Variants in OR3A2 observed in about 807,000 individuals in gnomAD.
The protein encoded by OR3A2 is olfactory receptor 3A2.
For synonymous variants in OR3A2, 126 were observed against 159.3 expected (o/e 0.79, Z 1.57); for missense variants, 318 against 392.8 (o/e 0.81, Z 1.61).
chr17:3,345,595 G>GT (rs2049357595), intron 2 of OR3A2, among the ~76,000 whole-genome samples: 1 of 152,000 alleles, frequency 6.6e-6, no homozygotes, highest in Admixed American at 6.6e-5. Flanking sequence ...AATGAAAAAC[G>GT]TGATCACAGA....
At chr17:3,333,390 GCCTTTGCCTTGTGATCTTTGCTTTGC>G (rs1442433092) in intron 3 of OR3A2, among the ~76,000 whole-genome samples, 2 of 152,076 alleles carry the variant, frequency 1.3e-5, no homozygotes, top group African/African-American at 2.4e-5. Flanking sequence ...TTCTAATTTT[GCCTTTGCCTTGTGATCTTTGCTTTGC>G]CCTTTGCCTT....
intron 2 of OR3A2, among the ~76,000 whole-genome samples, chr17:3,372,378 G>A (rs969075752): frequency 5.4e-5 from 8 of 148,676 alleles, no homozygotes; most frequent in Non-Finnish European, 7.4e-5. Flanking sequence ...CGTCCCAGAC[G>A]ATGGGCGGCC....
At position 3,348,208 on chromosome 17, in the gene OR3A2, T is replaced by G. The variant is rs928422745; in HGVS notation, c.-178-12082A>C. ...CATTTTGTAGGTTGCCTGTTCACTC[T>G]GATGGTAGTTTCTTTTGCTGTGCAG... On this transcript the variant is annotated intron_variant, in intron 2 of 4. Transcript: ENST00000573491. 2.0e-5 allele frequency among the ~76,000 whole-genome samples: 3 copies of G among 152,282 alleles called. No individual in the cohort carries two copies. The East Asian group carries it at 5.8e-4, about 29-fold the overall frequency.
intron 3 of OR3A2, chr17:3,291,481 G>T: frequency 1.7e-6 from 1 of 605,116 alleles, no homozygotes; most frequent in Non-Finnish European, 2.8e-6. Context: ...GGACAGGGCT[G>T]CTTTCAGAAA....
intron 3 of OR3A2, among the ~76,000 whole-genome samples, chr17:3,304,513 C>T (rs2048987322): frequency 6.6e-6 from 1 of 152,198 alleles, no homozygotes; most frequent in South Asian, 2.1e-4. Context: ...AAGGATTCAC[C>T]GTCCTGCCCT....
chr17:3,380,955 TC>T (rs2049730637), intron 2 of OR3A2, among the ~76,000 whole-genome samples: 1 of 152,168 alleles, frequency 6.6e-6, no homozygotes, highest in Admixed American at 6.5e-5. Flanking sequence ...TCTGGGAGCA[TC>T]TATTGAGGTT....
intron 2 of OR3A2, among the ~76,000 whole-genome samples, chr17:3,374,560 C>G (rs2049662865): frequency 6.6e-6 from 1 of 152,146 alleles, no homozygotes; most frequent in African/African-American, 2.4e-5. Context: ...CTTTCTTCCA[C>G]CTGTTTGATT....
chr17:3,290,584 G>T (rs2048856490), intron 3 of OR3A2, among the ~76,000 whole-genome samples: 1 of 152,208 alleles, frequency 6.6e-6, no homozygotes, highest in Non-Finnish European at 1.5e-5. Context: ...TTAGGAAAAT[G>T]CATTTGGAAA....
intron 3 of OR3A2, among the ~76,000 whole-genome samples, chr17:3,321,540 T>C (rs1209565421): frequency 6.6e-6 from 1 of 152,122 alleles, no homozygotes; most frequent in Non-Finnish European, 1.5e-5. Flanking sequence ...TCTTATTATT[T>C]TGAGATACAT....
rs755295904 is a variant in OR3A2, at chr17:3,311,004, C to T, written c.-85+25029G>A. ...TGTGGCAGCTGCAGTCCTGCGAATC[C>T]GCTCTGCAGAGGGCAGAAAGAAAGC... is the stretch of plus-strand genomic sequence containing the variant. On this transcript the variant is annotated intron_variant, in intron 3 of 4. Transcript: ENST00000573491. The surrounding 1 kb of genome is among the most constrained non-coding windows in gnomAD (Gnocchi z 4.6). 1 of 550,346 alleles carries T rather than the reference C, an allele frequency of 1.8e-6. No individual in the cohort carries two copies. Among genetic ancestry groups the T allele is most frequent in the Non-Finnish European group, 3.7e-6 (1 of 271,368 alleles). The allele number at this position is 550,346 out of a possible 1,614,324, so 34.1% of individuals were successfully genotyped here. A position where few individuals can be genotyped will look rare whatever the true frequency, so the allele number is the denominator to read the frequency against.
Position 3,309,709 on chromosome 17 carries a change from G to A in OR3A2, c.-85+26324C>T, listed in dbSNP as rs186069717. On this transcript the variant is annotated intron_variant, in intron 3 of 4. Transcript: ENST00000573491. ...GAAATGTCCTCGGTGATGTTTCCTC[G>A]TTTAGTTTCACTGTTTTTCATCTCA... 5.9e-5 allele frequency among the ~76,000 whole-genome samples: 9 copies of A among 152,254 alleles called. No homozygotes were observed. In the East Asian group the frequency reaches 9.7e-4, roughly 16 times the overall value.
intron 2 of OR3A2, among the ~76,000 whole-genome samples, chr17:3,348,718 T>C (rs230450): frequency 0.59 from 88,662 of 151,466 alleles, 26,889 homozygotes; most frequent in African/African-American, 0.72. Context: ...AACTCCAAAA[T>C]ACATAATTGT....
intron 2 of OR3A2, among the ~76,000 whole-genome samples, chr17:3,342,010 A>C (rs1213775015): frequency 1.3e-5 from 2 of 152,192 alleles, no homozygotes; most frequent in South Asian, 4.2e-4. Flanking sequence ...TTATTTCATT[A>C]ATTTGATCTT....
intron 3 of OR3A2, chr17:3,310,083 T>A (rs2049028777): frequency 3.2e-6 from 1 of 316,066 alleles, no homozygotes; most frequent in African/African-American, 2.2e-5. Flanking sequence ...TTTGAGTCTG[T>A]CCAATGCCAC....
At chr17:3,332,706 C>T (rs1202014392) in intron 3 of OR3A2, among the ~76,000 whole-genome samples, 3 of 152,206 alleles carry the variant, frequency 2.0e-5, no homozygotes, top group African/African-American at 7.2e-5. Context: ...TGTTCCTATT[C>T]GGCCATCTTG....
At chr17:3,282,079 T>C (rs973903745) in intron 1 of OR3A2, among the ~76,000 whole-genome samples, 20 of 152,144 alleles carry the variant, frequency 1.3e-4, no homozygotes, top group African/African-American at 4.8e-4. Flanking sequence ...TTTTAGGTGA[T>C]CCAGCCACTT....
chr17:3,295,317 C>T (rs929656275), intron 3 of OR3A2, among the ~76,000 whole-genome samples: 4 of 151,836 alleles, frequency 2.6e-5, no homozygotes, highest in Non-Finnish European at 4.4e-5. Flanking sequence ...AAATAAATTA[C>T]ATGGTATAGG....
chr17:3,320,505 G>C (rs959828971), intron 3 of OR3A2, among the ~76,000 whole-genome samples: 2 of 122,286 alleles, frequency 1.6e-5, no homozygotes, highest in African/African-American at 5.8e-5. Flanking sequence ...GGTTTTTATG[G>C]TTTTAGGTCT....
intron 2 of OR3A2, among the ~76,000 whole-genome samples, chr17:3,359,328 G>A (rs778582114): frequency 1.1e-4 from 16 of 151,636 alleles, no homozygotes; most frequent in Non-Finnish European, 1.8e-4. Flanking sequence ...CTGTTAGCTG[G>A]TTATTATCTT....
Sources: allele counts gnomAD v4.1 joint callset (sites outside exome capture counted in the v4.1 genomes callset), GRCh38; gene constraint gnomAD v4.1.1; non-coding constraint Gnocchi (gnomAD v3.1); transcripts MANE v1.5; gene names NCBI Gene and HGNC (gene_info 2026-07-23, HGNC 2026-07-21).